ABCB8: variants seen among roughly 807,000 people sequenced by gnomAD.
ABCB8 encodes ATP binding cassette subfamily B member 8.
In ABCB8, 52 loss-of-function variants were observed where a neutral mutation model predicts 73.0. That is an observed-to-expected ratio of 0.71 (90% CI 0.57 to 0.90). The LOEUF (loss-of-function observed/expected upper bound fraction) is 0.90, where lower values mean the gene tolerates loss of function less well. ABCB8 is among the 40% of genes least tolerant of loss of function. The pLI is 0.00. For missense variants in ABCB8, 909 were observed against 974.6 expected (o/e 0.93, Z 0.90); for synonymous variants, 428 against 423.5 (o/e 1.01, Z -0.13).
At chr7:151,033,134 G>A in intron 1 of ABCB8, 1 of 458,104 alleles carries the variant, frequency 2.2e-6, no homozygotes, top group East Asian at 6.9e-5. Flanking sequence ...CAGGAGGTGG[G>A]GCTGTGTCTG....
intron 1 of ABCB8, among the ~76,000 whole-genome samples, chr7:151,032,162 A>G (rs1796181395): frequency 6.6e-6 from 1 of 151,810 alleles, no homozygotes; most frequent in Non-Finnish European, 1.5e-5. Context: ...TCTCCCCTTT[A>G]CACTCCACCC....
intron 9 of ABCB8, chr7:151,037,587 C>T (rs1796344496): frequency 6.2e-6 from 3 of 481,762 alleles, no homozygotes; most frequent in Non-Finnish European, 1.1e-5. Flanking sequence ...TGTAACAGAT[C>T]ATCAAAGGGT....
chr7:151,042,867 C>T (rs936571423), intron 14 of ABCB8, among the ~76,000 whole-genome samples: 3 of 152,232 alleles, frequency 2.0e-5, no homozygotes, highest in Non-Finnish European at 2.9e-5. Context: ...CTCCTCCAGC[C>T]GTGTTGATAC....
chr7:151,028,653 C>T, intron 1 of ABCB8, 43 bp downstream of exon 1: 2 of 1,589,556 alleles, frequency 1.3e-6, no homozygotes, highest in Non-Finnish European at 1.7e-6. Context: ...ATTGACCGCC[C>T]GGCAGGGCAG....
chr7:151,039,476 C>G (rs1451234587), intron 9 of ABCB8: 1 of 152,352 alleles, frequency 6.6e-6, no homozygotes, highest in Admixed American at 6.5e-5. Flanking sequence ...CACACTGTCA[C>G]AGGTCAGCCA....
chr7:151,042,022 C>G lies in ABCB8; in HGVS notation c.1679C>G (p.Ser560Cys), dbSNP rs2303927. 440 of 1,613,126 alleles carry G rather than the reference C, an allele frequency of 2.7e-4. 3 individuals carry two copies. The East Asian group carries it at 8.2e-3, about 30-fold the overall frequency. ...ATCCGCTTTGGGAAGCTGGAAGCTT[C>G]CGATGAAGAGGTGTACACAGCCGCC... ...ENIRFGKLEA[S>C]DEEVYTAARE... is the part of the protein sequence containing the mutation. Residue 560 changes from serine to cysteine, a missense_variant, in exon 14 of 16, where the codon TCC becomes TGC. Physicochemically the swap from Ser to Cys is moderately radical, Grantham distance 112. Transcript: ENST00000358849.
intron 9 of ABCB8, chr7:151,038,645 C>T (rs1584953603): frequency 1.3e-5 from 2 of 152,056 alleles, no homozygotes; most frequent in East Asian, 1.9e-4. Flanking sequence ...TCGGGACCCC[C>T]ACTTCCCCTT....
chr7:151,032,653 C>T (rs962658799), intron 1 of ABCB8, among the ~76,000 whole-genome samples: 3 of 151,172 alleles, frequency 2.0e-5, no homozygotes, highest in East Asian at 3.9e-4. Flanking sequence ...GAGATTGTGC[C>T]GCTTCACTCC....
At chr7:151,037,474 C>T (rs1310896513) in intron 9 of ABCB8, 2 of 627,418 alleles carry the variant, frequency 3.2e-6, no homozygotes, top group South Asian at 1.8e-5. Context: ...AGCTGATCAC[C>T]AGACAGCTCA....
intron 2 of ABCB8, 100 bp downstream of exon 2, chr7:151,034,017 G>A (rs1796236426): frequency 7.1e-7 from 1 of 1,408,914 alleles, no homozygotes; most frequent in South Asian, 1.4e-5. Context: ...GAGAGCTCAG[G>A]GGAGCAGCAA....
chr7:151,040,839 GC>G lies in ABCB8; in HGVS notation c.1404del (p.Gly469AlafsTer5). ...TCGGCTCCTCCCAGCTACCCCTGCC[GC>G]CCCGGCTTCGAGGTGCTGAAAGACT... ...FQNVCFSYPC[R>X]PGFEVLKDFT... On this transcript the variant is annotated frameshift_variant, in exon 12 of 16. Transcript: ENST00000358849. LOFTEE classifies it high-confidence loss of function. 8.2e-6 allele frequency: 13 copies of G among 1,594,970 alleles called. No homozygotes were observed. Among genetic ancestry groups the G allele is most frequent in the Non-Finnish European group, 7.7e-6 (9 of 1,170,944 alleles).
chr7:151,034,850 C>T (rs769163613), intron 5 of ABCB8, 21 bp downstream of exon 5: 51 of 1,586,832 alleles, frequency 3.2e-5, no homozygotes, highest in African/African-American at 6.7e-5. Context: ...CAGTGGCCCC[C>T]ACCACGTCCA....
chr7:151,031,229 C>A, intron 1 of ABCB8: 2 of 1,486,654 alleles, frequency 1.3e-6, no homozygotes, highest in Non-Finnish European at 9.1e-7. Context: ...GATATAATTT[C>A]CTGCCTTTCA....
intron 9 of ABCB8, 155 bp from the exon 10 acceptor site, chr7:151,040,110 ACGT>A: frequency 3.9e-6 from 3 of 764,500 alleles, no homozygotes; most frequent in Non-Finnish European, 2.1e-6. Flanking sequence ...TGGTGTTGCT[ACGT>A]CCCAGGGCTC....
At chr7:151,040,801 G>T in intron 11 of ABCB8, 27 bp from the exon 12 acceptor site, 2 of 1,587,720 alleles carry the variant, frequency 1.3e-6, no homozygotes, top group Non-Finnish European at 1.7e-6. Context: ...AGCCTGGTCT[G>T]ACTGGGGGTC....
chr7:151,037,673 CG>C (rs1185850897), intron 9 of ABCB8: 5 of 342,164 alleles, frequency 1.5e-5, no homozygotes, highest in Non-Finnish European at 2.8e-5. Context: ...GCTCTTCCAC[CG>C]GGGCCCCCAC....
chr7:151,036,765 G>A, intron 9 of ABCB8, 116 bp downstream of exon 9: 1 of 908,930 alleles, frequency 1.1e-6, no homozygotes, highest in Non-Finnish European at 1.8e-6. Context: ...GCAGCTCCAG[G>A]CCTGCCCAGC....
chr7:151,045,604 C>T lies in ABCB8; in HGVS notation c.*255C>T. 2 of 433,622 alleles carry T rather than the reference C, an allele frequency of 4.6e-6. No individual in the cohort carries two copies. The highest frequency in any genetic ancestry group is 4.0e-6 in the Non-Finnish European group (1 of 248,930). The allele number at this position is 433,622 out of a possible 1,614,324, so 26.9% of individuals were successfully genotyped here. A position where few individuals can be genotyped will look rare whatever the true frequency, so the allele number is the denominator to read the frequency against. On this transcript the variant is annotated 3_prime_UTR_variant, in exon 16 of 16. Coordinates refer to ENST00000358849, the MANE Select transcript of ABCB8 (RefSeq NM_007188.5). ...GTCATTGGGCTGCAATGGGCAGAGACAGAGTTCCACGAGACACCTCCACTC... is the reference window on the plus strand; with the variant it reads ...GTCATTGGGCTGCAATGGGCAGAGATAGAGTTCCACGAGACACCTCCACTC...
At chr7:151,031,126 C>T in intron 1 of ABCB8, 1 of 678,836 alleles carries the variant, frequency 1.5e-6, no homozygotes, top group South Asian at 1.8e-5. Flanking sequence ...GTCAGATTGT[C>T]CTGCACCTCT....
Sources: gnomAD v4.1 joint callset for allele counts (sites outside exome capture counted in the v4.1 genomes callset) on GRCh38, gnomAD v4.1.1 for gene constraint, MANE v1.5 for transcripts, NCBI Gene and HGNC (gene_info 2026-07-23, HGNC 2026-07-21) for gene names.